SMARCA2: variants seen among roughly 807,000 people sequenced by gnomAD.
The protein encoded by SMARCA2 is SWI/SNF-related matrix-associated actin-dependent regulator of chromatin subfamily A member 2.
In SMARCA2, 61 loss-of-function variants were observed where a neutral mutation model predicts 199.8. The ratio of observed to expected loss-of-function variants is 0.31; its 90% CI spans 0.25 to 0.38. The LOEUF (loss-of-function observed/expected upper bound fraction) is 0.38, where lower values mean the gene tolerates loss of function less well. Ranked by LOEUF, SMARCA2 falls within the 10% of genes least tolerant of loss-of-function variation. The pLI is 1.00. For synonymous variants in SMARCA2, 935 were observed against 732.0 expected, an observed-to-expected ratio of 1.28 and a Z score of -4.48; for missense variants, 1,344 against 2,012.2, an observed-to-expected ratio of 0.67 and a Z score of 6.35.
chr9:2,133,392 C>G (rs922852391), intron 27 of SMARCA2, among the ~76,000 whole-genome samples: 3 of 152,084 alleles, frequency 2.0e-5, no homozygotes, highest in Non-Finnish European at 2.9e-5. Context: ...AGCAGTCTTC[C>G]TGCCTCAGCC....
intron 9 of SMARCA2, among the ~76,000 whole-genome samples, chr9:2,062,516 G>T (rs75064523): frequency 0.037 from 5,636 of 152,334 alleles, 161 homozygotes; most frequent in Admixed American, 0.062. Context: ...ACACAATTGA[G>T]TGTTGATGAT....
At chr9:2,042,777 G>A (rs1463582668) in intron 4 of SMARCA2, 3 of 151,878 alleles carry the variant, frequency 2.0e-5, no homozygotes, top group African/African-American at 7.3e-5. Context: ...TCAATAGTCG[G>A]AGCTTCATTA....
At chr9:2,081,085 A>G (rs1257589741) in intron 14 of SMARCA2, among the ~76,000 whole-genome samples, 6 of 152,232 alleles carry the variant, frequency 3.9e-5, no homozygotes, top group African/African-American at 1.4e-4. Context: ...TATATAATTG[A>G]TCCTATCATT....
intron 26 of SMARCA2, among the ~76,000 whole-genome samples, chr9:2,122,562 C>A (rs932359344): frequency 6.6e-6 from 1 of 152,156 alleles, no homozygotes; most frequent in South Asian, 2.1e-4. Flanking sequence ...GTCTCCCAAG[C>A]CTACCAGATT....
chr9:2,173,478 A>C (rs12345422), intron 29 of SMARCA2, among the ~76,000 whole-genome samples: 23,746 of 152,186 alleles, frequency 0.16, 2,015 homozygotes, highest in East Asian at 0.23. Flanking sequence ...AATTACCATG[A>C]AATAGCACTG....
At chr9:2,165,445 C>G (rs1301313137) in intron 28 of SMARCA2, among the ~76,000 whole-genome samples, 1 of 152,046 alleles carries the variant, frequency 6.6e-6, no homozygotes, top group African/African-American at 2.4e-5. Context: ...CCCTTAAGAG[C>G]CAGATATTGT....
At chr9:2,060,741 G>T in intron 8 of SMARCA2, 75 bp from the exon 9 acceptor site, 2 of 1,397,716 alleles carry the variant, frequency 1.4e-6, no homozygotes, top group Admixed American at 1.7e-5. Context: ...GACTGTCAAG[G>T]GGAGGACAGA....
Position 2,110,315 on chromosome 9 carries a change from G to A in SMARCA2, c.3354G>A (p.Gln1118=). 1 of 1,613,684 alleles carries A rather than the reference G, an allele frequency of 6.2e-7. No homozygotes were observed. The highest frequency in any genetic ancestry group is 2.2e-5 in the East Asian group (1 of 44,822). The stretch of plus-strand genomic sequence containing the variant: ...AGAAATTCAATGAACCTGGATCCCA[G>A]TATTTCATTTTCTTGCTGAGCACAA... ...LLKKFNEPGS[Q]YFIFLLSTRA... is the part of the protein sequence containing the mutation. The change falls in exon 24 of 34, where the codon CAG becomes CAA. Residue 1118 remains glutamine, a synonymous_variant. Transcript: ENST00000349721. The surrounding 1 kb of genome is among the most constrained non-coding windows in gnomAD (Gnocchi z 4.8).
At chr9:2,134,341 C>G (rs527687872) in intron 27 of SMARCA2, among the ~76,000 whole-genome samples, 1 of 152,294 alleles carries the variant, frequency 6.6e-6, no homozygotes, top group South Asian at 2.1e-4. Flanking sequence ...CATTAAGTCT[C>G]TTTACCCTGG....
Position 2,123,657 on chromosome 9 carries a change from C to T in SMARCA2, c.3763-62C>T. ...AGTGACTTGGGGAAGTTGTGTAGTG[C>T]TGGGAAGTCTGCACCATACAGAAGC... On this transcript the variant is annotated intron_variant, in intron 26 of 33. Coordinates refer to ENST00000349721, the MANE Select transcript of SMARCA2 (RefSeq NM_003070.5). The surrounding 1 kb of genome is among the most constrained non-coding windows in gnomAD (Gnocchi z 4.1). The T allele has an allele frequency of 1.4e-6, 2 of 1,422,768 alleles. No individual in the cohort carries two copies. The highest frequency in any genetic ancestry group is 2.0e-6 in the Non-Finnish European group (2 of 1,013,968). 88.1% of individuals were successfully genotyped at this position (1,422,768 alleles called of 1,614,324 possible). A position where few individuals can be genotyped will look rare whatever the true frequency, so the allele number is the denominator to read the frequency against.
At chr9:2,138,450 A>G (rs1824312004) in intron 27 of SMARCA2, among the ~76,000 whole-genome samples, 1 of 152,238 alleles carries the variant, frequency 6.6e-6, no homozygotes, top group African/African-American at 2.4e-5. Context: ...TTAGGAAAGC[A>G]TATTCCTAAC....
In SMARCA2 at chr9:2,017,294, G is replaced by A. The variant is rs1818397319; in HGVS notation, c.-37+1890G>A. ...AGGCAGGAAAAAAAAAGTTTGGCAG[G>A]GCGGCTAAGTAGGGTGGAGGGGTGG... On this transcript the variant is annotated intron_variant, in intron 1 of 33. Transcript: ENST00000349721. The surrounding 1 kb of genome is among the most constrained non-coding windows in gnomAD (Gnocchi z 8.8). The A allele has an allele frequency of 6.6e-6, 1 of 151,918 alleles. No individual in the cohort carries two copies. The highest frequency in any genetic ancestry group is 1.5e-5 in the Non-Finnish European group (1 of 67,982). 9.4% of individuals were successfully genotyped at this position (151,918 alleles called of 1,614,324 possible).
Position 2,119,314 on chromosome 9 carries a change from G to A in SMARCA2, c.3685-144G>A, listed in dbSNP as rs1024962189. The A allele has an allele frequency of 4.1e-5, 25 of 602,520 alleles. No homozygotes were observed. The highest frequency in any genetic ancestry group is 2.1e-4 in the Admixed American group (7 of 33,466). The allele number at this position is 602,520 out of a possible 1,614,324, so 37.3% of individuals were successfully genotyped here. On this transcript the variant is annotated intron_variant, in intron 25 of 33. Coordinates refer to ENST00000349721, the MANE Select transcript of SMARCA2 (RefSeq NM_003070.5). The surrounding 1 kb of genome is among the most constrained non-coding windows in gnomAD (Gnocchi z 4.6). ...TTTTAATAGCTTGTAAAATAGTAAC[G>A]TCAAGGACTAAATCCAGCAACCCCT...
At chr9:2,076,761 T>C (rs753205370) in intron 13 of SMARCA2, among the ~76,000 whole-genome samples, 1 of 152,016 alleles carries the variant, frequency 6.6e-6, no homozygotes, top group Non-Finnish European at 1.5e-5. Context: ...ATTCCTGTCT[T>C]ACTCCTGCTG....
At chr9:2,165,850 T>A (rs1357110602) in intron 28 of SMARCA2, among the ~76,000 whole-genome samples, 1 of 152,156 alleles carries the variant, frequency 6.6e-6, no homozygotes, top group African/African-American at 2.4e-5. Flanking sequence ...CCTAGAGGCA[T>A]TATTAACGTT....
Position 2,110,306 on chromosome 9 carries a change from T to G in SMARCA2, c.3345T>G (p.Pro1115=). The G allele has an allele frequency of 6.2e-7, 1 of 1,613,668 alleles. No individual in the cohort carries two copies. The highest frequency in any genetic ancestry group is 8.5e-7 in the Non-Finnish European group (1 of 1,179,740). Residue 1115 remains proline, a synonymous_variant, in exon 24 of 34, where the codon CCT becomes CCG. Coordinates refer to ENST00000349721, the MANE Select transcript of SMARCA2 (RefSeq NM_003070.5). The surrounding 1 kb of genome is among the most constrained non-coding windows in gnomAD (Gnocchi z 4.8). ...RAALLKKFNE[P]GSQYFIFLLS... ...CTTTGCTGAAGAAATTCAATGAACC[T>G]GGATCCCAGTATTTCATTTTCTTGC...
intron 31 of SMARCA2, among the ~76,000 whole-genome samples, chr9:2,185,187 C>T (rs1038456072): frequency 6.6e-6 from 1 of 152,170 alleles, no homozygotes; most frequent in Non-Finnish European, 1.5e-5. Context: ...CTCTCATCTC[C>T]TTCCCCCAGC....
intron 25 of SMARCA2, among the ~76,000 whole-genome samples, chr9:2,117,287 A>G (rs937648335): frequency 3.9e-5 from 6 of 152,294 alleles, no homozygotes; most frequent in Non-Finnish European, 8.8e-5. Context: ...GCACTTTTGT[A>G]TTATGCCTCC....
rs1469165256 is a variant in SMARCA2 at position 2,029,120 on chromosome 9, C to G, written c.98C>G (p.Pro33Arg). Residue 33 changes from proline to arginine, a missense_variant, in exon 2 of 34, where the codon CCA (proline) becomes CGA (arginine). By Grantham distance (103) the Pro-to-Arg change is moderately radical (BLOSUM62 -2). This residue lies in a region of SMARCA2 where 275 missense variants were observed against 247.5 expected (regional missense o/e 1.11). Transcript: ENST00000349721. ...PGPILGPSPGPGPSPGSVHSM... is the reference protein window; with the variant it reads ...PGPILGPSPGRGPSPGSVHSM... ...CCAATTCTTGGGCCTAGTCCAGGAC[C>G]AGGACCATCCCCAGGTTCCGTCCAC... 6.2e-7 allele frequency: 1 copy of G among 1,606,314 alleles called. No homozygotes were observed. Among genetic ancestry groups the G allele is most frequent in the Non-Finnish European group, 8.5e-7 (1 of 1,175,986 alleles).
Sources: gnomAD v4.1 joint callset for allele counts (sites outside exome capture counted in the v4.1 genomes callset) on GRCh38, gnomAD v4.1.1 for gene constraint, gnomAD v4.1.1 regional missense constraint, Gnocchi (gnomAD v3.1) non-coding constraint, MANE v1.5 for transcripts, NCBI Gene and HGNC (gene_info 2026-07-23, HGNC 2026-07-21) for gene names.